The following RYR1 variants were observed in gnomAD, a reference collection of about 807,000 sequenced individuals.
RYR1 encodes central core disease of muscle.
RYR1 carries 342 observed loss-of-function variants against 583.5 expected under a neutral mutation model. The ratio of observed to expected loss-of-function variants is 0.59; its 90% CI spans 0.54 to 0.64. The LOEUF is 0.64. Ranked by LOEUF, RYR1 falls within the 30% of genes least tolerant of loss-of-function variation. The pLI, the probability that RYR1 is intolerant of heterozygous loss-of-function variation, is 0.00. For synonymous variants in RYR1, 2,791 were observed against 2,822.5 expected (o/e 0.99, Z 0.35); for missense variants, 6,032 against 6,917.2 (o/e 0.87, Z 4.54).
At chr19:38,569,306 C>A (rs2907614) in intron 93 of RYR1, among the ~76,000 whole-genome samples, 17 of 152,050 alleles carry the variant, frequency 1.1e-4, no homozygotes, top group African/African-American at 3.9e-4. Context: ...TGCACCTGGC[C>A]GAATATTTTT....
chr19:38,503,794 A>G (rs1299102668), intron 49 of RYR1, among the ~76,000 whole-genome samples: 1 of 151,590 alleles, frequency 6.6e-6, no homozygotes, highest in Non-Finnish European at 1.5e-5. Flanking sequence ...AAAAATTTGC[A>G]TTTTGGATAG....
Position 38,500,476 on chromosome 19 carries a change from G to C in RYR1, c.7324-130G>C. 7.3e-7 allele frequency: 1 copy of C among 1,367,794 alleles called. No homozygotes were observed. Among genetic ancestry groups the C allele is most frequent in the Non-Finnish European group, 1.0e-6 (1 of 977,096 alleles). The allele number at this position is 1,367,794 out of a possible 1,614,324, so 84.7% of individuals were successfully genotyped here. ...GGCACAGGCAGAGGAACGAGGGCTG[G>C]AAACTCTAGACAGCCTCCTGAGAAA... On this transcript the variant is annotated intron_variant, in intron 45 of 105. Transcript: ENST00000359596. This position sits in a 1 kb window ranked among gnomAD's most constrained non-coding sequence, Gnocchi z 5.9.
chr19:38,459,040 C>T (rs1967585347), intron 18 of RYR1, 106 bp from the exon 19 acceptor site: 2 of 992,786 alleles, frequency 2.0e-6, no homozygotes. Flanking sequence ...TTAGGGTTTC[C>T]AGGATGCAAT....
At chr19:38,489,648 C>T (rs778046091) in intron 35 of RYR1, among the ~76,000 whole-genome samples, 1 of 152,074 alleles carries the variant, frequency 6.6e-6, no homozygotes, top group Admixed American at 6.6e-5. Context: ...TTGTTTTTTG[C>T]GACAGAATTT....
intron 25 of RYR1, among the ~76,000 whole-genome samples, chr19:38,468,105 C>T (rs1031442056): frequency 3.4e-5 from 5 of 146,138 alleles, no homozygotes; most frequent in African/African-American, 1.3e-4. Context: ...ACCATCCATC[C>T]AGCTAACCAA....
Position 38,496,632 on chromosome 19 carries a change from CAACA to C in RYR1, c.6796+96_6796+99del, listed in dbSNP as rs1359559124. 7.4e-6 allele frequency: 11 copies of C among 1,483,060 alleles called. No individual in the cohort carries two copies. Among genetic ancestry groups the C allele is most frequent in the Non-Finnish European group, 9.4e-6 (10 of 1,065,474 alleles). The allele number at this position is 1,483,060 out of a possible 1,614,324, so 91.9% of individuals were successfully genotyped here. A position where few individuals can be genotyped will look rare whatever the true frequency, so the allele number is the denominator to read the frequency against. On this transcript the variant is annotated intron_variant, in intron 41 of 105. Transcript: ENST00000359596. The surrounding 1 kb of genome is among the most constrained non-coding windows in gnomAD (Gnocchi z 4.8). ...CCCACTTTCCACCAGCTCACTCATT[CAACA>C]AACACTCCCTCTCAACTGTGGTTCT...
intron 1 of RYR1, among the ~76,000 whole-genome samples, chr19:38,437,212 G>A (rs577249046): frequency 4.6e-5 from 7 of 151,926 alleles, no homozygotes; most frequent in Admixed American, 3.3e-4. Context: ...CACTACGCCC[G>A]GCTAATTTTT....
At chr19:38,536,896 C>T (rs1971995704) in intron 83 of RYR1, 129 bp downstream of exon 83, 1 of 947,210 alleles carries the variant, frequency 1.1e-6, no homozygotes, top group Non-Finnish European at 1.7e-6. Context: ...GCAGGTGCAC[C>T]CTGCCAGTGC....
intron 29 of RYR1, among the ~76,000 whole-genome samples, chr19:38,476,347 C>T (rs568596421): frequency 7.2e-5 from 11 of 152,088 alleles, no homozygotes; most frequent in East Asian, 3.8e-4. Flanking sequence ...TATGGGCACA[C>T]GCCACCATGC....
chr19:38,570,541 G>T lies in RYR1; in HGVS notation c.13660-66G>T, dbSNP rs1038913018. On this transcript the variant is annotated intron_variant, in intron 93 of 105. Coordinates refer to ENST00000359596, the MANE Select transcript of RYR1 (RefSeq NM_000540.3). ...GGTACTTTGATTGCAGGTAAATGATGGGATGAATTCTCCAGGGAAGAGGCT... is the reference window on the plus strand; with the variant it reads ...GGTACTTTGATTGCAGGTAAATGATTGGATGAATTCTCCAGGGAAGAGGCT... The T allele has an allele frequency of 1.8e-5, 21 of 1,192,400 alleles. No homozygotes were observed. The East Asian group carries it at 4.9e-4, about 28-fold the overall frequency. The allele number at this position is 1,192,400 out of a possible 1,614,324, so 73.9% of individuals were successfully genotyped here.
intron 29 of RYR1, among the ~76,000 whole-genome samples, chr19:38,476,520 AC>A (rs1968738632): frequency 1.3e-5 from 2 of 152,040 alleles, no homozygotes; most frequent in African/African-American, 4.8e-5. Context: ...TTTGGTAGAA[AC>A]GGGGTTTCAC....
chr19:38,503,058 G>A (rs1970270799), intron 49 of RYR1, 88 bp downstream of exon 49: 2 of 1,291,576 alleles, frequency 1.5e-6, no homozygotes, highest in Non-Finnish European at 2.2e-6. Context: ...ATTTGTGTCG[G>A]CACTGCCCAG....
At chr19:38,524,160 C>CT (rs558507760) in intron 70 of RYR1, among the ~76,000 whole-genome samples, 31 of 122,526 alleles carry the variant, frequency 2.5e-4, no homozygotes, top group Non-Finnish European at 3.6e-4. Flanking sequence ...TTCTTCTTTC[C>CT]TTTTTTTTTT....
Position 38,444,884 on chromosome 19 carries a change from G to T in RYR1, c.631+207G>T, listed in dbSNP as rs545392083. On this transcript the variant is annotated intron_variant, in intron 7 of 105. Coordinates refer to ENST00000359596, the MANE Select transcript of RYR1 (RefSeq NM_000540.3). The surrounding 1 kb of genome is among the most constrained non-coding windows in gnomAD (Gnocchi z 5.1). ...CCCCCAAACCCCGAACTAAATATCA[G>T]GCTCCCAAACTTAGACCCCAAAGTA... 6.8e-6 allele frequency among the ~76,000 whole-genome samples: 1 copy of T among 146,712 alleles called. No individual in the cohort carries two copies. The highest frequency in any genetic ancestry group is 2.1e-4 in the East Asian group (1 of 4,874).
chr19:38,556,379 G>A (rs539812387), intron 89 of RYR1, among the ~76,000 whole-genome samples: 1 of 151,910 alleles, frequency 6.6e-6, no homozygotes, highest in East Asian at 2.0e-4. Flanking sequence ...TTACTGGGGA[G>A]GCTGAGGCAG....
At chr19:38,532,425 G>A (rs1202187193) in intron 76 of RYR1, 65 bp from the exon 77 acceptor site, 7 of 1,550,492 alleles carry the variant, frequency 4.5e-6, no homozygotes, top group Non-Finnish European at 6.2e-6. Context: ...ACCCTGCCCA[G>A]AAGCTCTTAT....
At chr19:38,519,084 G>A (rs1296519042) in intron 66 of RYR1, 130 bp from the exon 67 acceptor site, 23 of 1,477,368 alleles carry the variant, frequency 1.6e-5, no homozygotes, top group Non-Finnish European at 2.2e-5. Flanking sequence ...TATATCCAAG[G>A]TTAGGGTCAG....
intron 49 of RYR1, among the ~76,000 whole-genome samples, chr19:38,503,179 C>T (rs552896415): frequency 2.0e-5 from 3 of 152,180 alleles, no homozygotes; most frequent in African/African-American, 4.8e-5. Context: ...ATGCCTCTAG[C>T]GTTCCCTAAT....
intron 71 of RYR1, 66 bp from the exon 72 acceptor site, chr19:38,526,927 A>G (rs1971491538): frequency 6.4e-7 from 1 of 1,561,826 alleles, no homozygotes; most frequent in Admixed American, 1.7e-5. Flanking sequence ...CCTGGAAGGA[A>G]AGGGTTGTGG....
Sources: allele counts gnomAD v4.1 joint callset (sites outside exome capture counted in the v4.1 genomes callset), GRCh38; gene constraint gnomAD v4.1.1; non-coding constraint Gnocchi (gnomAD v3.1); transcripts MANE v1.5; gene names NCBI Gene and HGNC (gene_info 2026-07-23, HGNC 2026-07-21).